TMEM39A: variants seen among roughly 807,000 people sequenced by gnomAD.
The protein encoded by TMEM39A is transmembrane protein 39A.
A neutral mutation model predicts 51.9 loss-of-function variants in TMEM39A; 19 were observed. The ratio of observed to expected loss-of-function variants is 0.37; its 90% CI spans 0.26 to 0.54. TMEM39A has a LOEUF of 0.54. TMEM39A is among the 20% of genes least tolerant of loss of function. TMEM39A has a pLI of 0.88. For synonymous variants in TMEM39A, 197 were observed against 220.2 expected (o/e 0.89, Z 0.93); for missense variants, 433 against 590.5 (o/e 0.73, Z 2.76).
intron 5 of TMEM39A, among the ~76,000 whole-genome samples, chr3:119,440,884 G>A (rs1268496899): frequency 6.6e-6 from 1 of 151,972 alleles, no homozygotes; most frequent in African/African-American, 2.4e-5. Flanking sequence ...CGTATCTGGG[G>A]GTGCCATTTT....
At position 119,437,974 on chromosome 3, in the gene TMEM39A, G is replaced by C; in HGVS notation, c.705C>G (p.Ala235=). 6.2e-7 allele frequency: 1 copy of C among 1,614,144 alleles called. No homozygotes were observed. Among genetic ancestry groups the C allele is most frequent in the South Asian group, 1.1e-5 (1 of 91,080 alleles). Residue 235 remains alanine, a synonymous_variant, in exon 6 of 9, where the codon GCC becomes GCG. Coordinates refer to ENST00000319172, the MANE Select transcript of TMEM39A (RefSeq NM_018266.3). ...EESASTVGGL[A]KSKDFLSLLL... Reference sequence around the variant, plus strand: ...ACAAGGAGAGAAAGTCTTTGGATTTGGCCAAGCCTCCCACAGTCGAGGCAC... The same window carrying C: ...ACAAGGAGAGAAAGTCTTTGGATTTCGCCAAGCCTCCCACAGTCGAGGCAC...
chr3:119,457,919 A>C (rs1004730635), intron 3 of TMEM39A, 99 bp downstream of exon 3: 1 of 889,074 alleles, frequency 1.1e-6, no homozygotes. Context: ...CATTTTATTA[A>C]AAGAAAAATT....
chr3:119,440,105 A>C (rs932216936), intron 5 of TMEM39A, among the ~76,000 whole-genome samples: 1 of 152,162 alleles, frequency 6.6e-6, no homozygotes, highest in Non-Finnish European at 1.5e-5. Context: ...TCACATGTGC[A>C]TATCTGTGAT....
chr3:119,430,537 T>C lies in TMEM39A; in HGVS notation c.*1444A>G, dbSNP rs1008854262. On this transcript the variant is annotated 3_prime_UTR_variant, in exon 9 of 9. Coordinates refer to ENST00000319172, the MANE Select transcript of TMEM39A (RefSeq NM_018266.3). The stretch of plus-strand genomic sequence containing the variant: ...ACTGCTATATCCCCAGGGCCTAATA[T>C]AGTGCCTACTGGTTAATATATATTT... The C allele has an allele frequency of 6.6e-6, 1 of 152,126 alleles. No homozygotes were observed. Among genetic ancestry groups the C allele is most frequent in the South Asian group, 2.1e-4 (1 of 4,836 alleles). 9.4% of individuals were successfully genotyped at this position (152,126 alleles called of 1,614,324 possible).
intron 8 of TMEM39A, among the ~76,000 whole-genome samples, chr3:119,432,876 C>G (rs2080919147): frequency 1.3e-5 from 2 of 151,860 alleles, no homozygotes; most frequent in South Asian, 4.2e-4. Context: ...TGCACAAAGA[C>G]AGGATAAGGA....
chr3:119,435,286 G>A (rs1231895627), intron 7 of TMEM39A: 2 of 985,306 alleles, frequency 2.0e-6, no homozygotes, highest in Non-Finnish European at 2.4e-6. Context: ...AAGAATAGTG[G>A]AGAAATTAGC....
At chr3:119,451,385 T>A (rs1170880235) in intron 4 of TMEM39A, 2 of 910,134 alleles carry the variant, frequency 2.2e-6, no homozygotes, top group African/African-American at 1.7e-5. Context: ...ACTATTCATT[T>A]AAAATTTCAC....
At chr3:119,461,096 G>A (rs1049699557) in intron 2 of TMEM39A, among the ~76,000 whole-genome samples, 4 of 152,050 alleles carry the variant, frequency 2.6e-5, no homozygotes, top group Admixed American at 6.6e-5. Context: ...GAAATCCAAC[G>A]AACGGCAGAG....
At position 119,451,367 on chromosome 3, in the gene TMEM39A, T is replaced by C. The variant is rs868016550; in HGVS notation, c.420+1080A>G. 2.0e-5 allele frequency: 22 copies of C among 1,076,380 alleles called. No individual in the cohort carries two copies. In the Middle Eastern group the frequency reaches 3.5e-3, roughly 171 times the overall value. 66.7% of individuals were successfully genotyped at this position (1,076,380 alleles called of 1,614,324 possible). A position where few individuals can be genotyped will look rare whatever the true frequency, so the allele number is the denominator to read the frequency against. On this transcript the variant is annotated intron_variant, in intron 4 of 8. Transcript: ENST00000319172. Reference sequence around the variant, plus strand: ...GAAGTTGACTCTCAATTATTTGTGATTATAGTAACTATTCATTTAAAATTT... The same window carrying C: ...GAAGTTGACTCTCAATTATTTGTGACTATAGTAACTATTCATTTAAAATTT...
chr3:119,450,377 T>C (rs2081182438), intron 4 of TMEM39A, among the ~76,000 whole-genome samples: 1 of 152,228 alleles, frequency 6.6e-6, no homozygotes, highest in Non-Finnish European at 1.5e-5. Flanking sequence ...ATAAACACAT[T>C]TTCATGTTGT....
At chr3:119,434,702 GA>G in intron 8 of TMEM39A, 59 bp downstream of exon 8, 1 of 1,593,626 alleles carries the variant, frequency 6.3e-7, no homozygotes, top group Non-Finnish European at 8.6e-7. Context: ...CTTCCACATA[GA>G]GTGGCCTCCT....
intron 7 of TMEM39A, 95 bp downstream of exon 7, chr3:119,436,696 T>C (rs899011007): frequency 1.6e-5 from 22 of 1,360,200 alleles, no homozygotes; most frequent in Non-Finnish European, 2.0e-5. Flanking sequence ...AAATTAAATG[T>C]TCAAAGCCAA....
chr3:119,438,891 T>C (rs974360338), intron 5 of TMEM39A, among the ~76,000 whole-genome samples: 21 of 152,170 alleles, frequency 1.4e-4, no homozygotes, highest in African/African-American at 5.1e-4. Context: ...TTTTTAACTT[T>C]GGGGGTAGTT....
chr3:119,432,325 A>C, intron 8 of TMEM39A, 111 bp from the exon 9 acceptor site: 3 of 688,040 alleles, frequency 4.4e-6, no homozygotes, highest in Non-Finnish European at 7.2e-6. Context: ...TCCCATATAT[A>C]ATAATAAATA....
At chr3:119,441,151 T>A (rs959144389) in intron 5 of TMEM39A, among the ~76,000 whole-genome samples, 6 of 152,138 alleles carry the variant, frequency 3.9e-5, no homozygotes, top group Admixed American at 3.9e-4. Flanking sequence ...AACACAAGAA[T>A]ATTGAAATAA....
In TMEM39A at chr3:119,451,970, A is replaced by T. The variant is rs527886158; in HGVS notation, c.420+477T>A. 2.3e-3 allele frequency among the ~76,000 whole-genome samples: 349 copies of T among 152,196 alleles called. 1 individual carries two copies. The highest frequency in any genetic ancestry group is 7.8e-3 in the African/African-American group (324 of 41,508). On this transcript the variant is annotated intron_variant, in intron 4 of 8. Transcript: ENST00000319172. ...ACTAAACTTAGATTCTAATCTTCAG[A>T]TTAATCCTATACGAATTCTGATACT...
At chr3:119,444,198 A>C (rs1021666108) in intron 5 of TMEM39A, among the ~76,000 whole-genome samples, 1 of 152,196 alleles carries the variant, frequency 6.6e-6, no homozygotes, top group Non-Finnish European at 1.5e-5. Context: ...AGCCATCCTG[A>C]TAATAGTAAT....
chr3:119,451,345 G>T, intron 4 of TMEM39A: 1 of 1,215,350 alleles, frequency 8.2e-7, no homozygotes, highest in Non-Finnish European at 1.1e-6. Context: ...GGAAAAAGAA[G>T]TTGACTCTCA....
At chr3:119,437,049 A>G in intron 6 of TMEM39A, 71 bp from the exon 7 acceptor site, 2 of 1,430,612 alleles carry the variant, frequency 1.4e-6, no homozygotes, top group Non-Finnish European at 1.9e-6. Flanking sequence ...GTTGGTGTAC[A>G]TATGCCCTGC....
Sources: allele counts gnomAD v4.1 joint callset (sites outside exome capture counted in the v4.1 genomes callset), GRCh38; gene constraint gnomAD v4.1.1; transcripts MANE v1.5; gene names NCBI Gene and HGNC (gene_info 2026-07-23, HGNC 2026-07-21).